Variants in ACAD10 observed in about 807,000 individuals in gnomAD.
ACAD10 encodes the protein acyl-CoA dehydrogenase family member 10, also known as ACAD-10.
A neutral mutation model predicts 116.8 loss-of-function variants in ACAD10; 112 were observed. The ratio of observed to expected loss-of-function variants is 0.96; its 90% CI spans 0.82 to 1.12. The LOEUF (loss-of-function observed/expected upper bound fraction) is 1.12. ACAD10 is among the 50% of genes most tolerant of loss of function. The probability of loss-of-function intolerance (pLI) is 0.00; values close to 1 mark genes in which losing one functional copy is unlikely to be tolerated. For synonymous variants in ACAD10, 486 were observed against 510.6 expected (o/e 0.95, Z 0.65); for missense variants, 1,259 against 1,350.2 (o/e 0.93, Z 1.06).
At chr12:111,699,180 C>A (rs1471144570) in intron 2 of ACAD10, among the ~76,000 whole-genome samples, 4 of 152,148 alleles carry the variant, frequency 2.6e-5, no homozygotes, top group Admixed American at 6.6e-5. Context: ...TCACCACGCC[C>A]AGCCTTCTAT....
At chr12:111,723,780 A>G (rs2135968585) in intron 8 of ACAD10, among the ~76,000 whole-genome samples, 1 of 145,830 alleles carries the variant, frequency 6.9e-6, no homozygotes, top group African/African-American at 2.6e-5. Context: ...GAGGCTCCTC[A>G]CTTCTCAGAT....
intron 6 of ACAD10, 107 bp downstream of exon 6, chr12:111,712,764 A>C: frequency 7.7e-7 from 1 of 1,305,044 alleles, no homozygotes; most frequent in Non-Finnish European, 1.1e-6. Context: ...AAGAAGCTTT[A>C]CAGTGAGGAA....
chr12:111,747,091 C>T lies in ACAD10; in HGVS notation c.2299C>T (p.Leu767=). The change falls in exon 15 of 21, where the codon CTG becomes TTG. Residue 767 remains leucine, a synonymous_variant. Coordinates refer to ENST00000313698, the MANE Select transcript of ACAD10 (RefSeq NM_025247.6). ...SAPDTGNMEL[L]VRYGTEAQKA... ...GCCTGACACGGGCAACATGGAGCTG[C>T]TGGTGAGGTATGGCACCGAAGCGCA... is the stretch of plus-strand genomic sequence containing the variant. 6.2e-7 allele frequency: 1 copy of T among 1,612,664 alleles called. No individual in the cohort carries two copies. Among genetic ancestry groups the T allele is most frequent in the Non-Finnish European group, 8.5e-7 (1 of 1,179,046 alleles).
intron 7 of ACAD10, among the ~76,000 whole-genome samples, chr12:111,716,690 A>G (rs1888855298): frequency 6.6e-6 from 1 of 151,924 alleles, no homozygotes. Flanking sequence ...ACCTGTCTCT[A>G]CCAAAAATAC....
intron 1 of ACAD10, among the ~76,000 whole-genome samples, chr12:111,688,549 C>T (rs2135939027): frequency 6.6e-6 from 1 of 152,264 alleles, no homozygotes; most frequent in South Asian, 2.1e-4. Context: ...CGCCTGCAAT[C>T]CCAGCACTTT....
At chr12:111,756,247 G>A in intron 20 of ACAD10, 86 bp from the exon 21 acceptor site, 1 of 1,481,918 alleles carries the variant, frequency 6.7e-7, no homozygotes, top group Non-Finnish European at 8.9e-7. Context: ...GGTTGTTATG[G>A]GCCATCAAGA....
At chr12:111,744,452 A>C in intron 12 of ACAD10, 191 bp from the exon 13 acceptor site, 2 of 667,906 alleles carry the variant, frequency 3.0e-6, no homozygotes, top group Non-Finnish European at 4.9e-6. Flanking sequence ...TCTTGCGTGC[A>C]AAGTGCAGGT....
chr12:111,730,415 A>G (rs1353475160), intron 10 of ACAD10, among the ~76,000 whole-genome samples: 1 of 151,926 alleles, frequency 6.6e-6, no homozygotes, highest in Non-Finnish European at 1.5e-5. Flanking sequence ...AGGCCTGGGG[A>G]TGGACATTCT....
intron 14 of ACAD10, 29 bp downstream of exon 14, chr12:111,746,313 G>A (rs1225813149): frequency 1.2e-6 from 2 of 1,601,764 alleles, no homozygotes; most frequent in South Asian, 2.2e-5. Context: ...TCCTCAGTGT[G>A]TGGGAACATC....
At chr12:111,689,251 T>C (rs931511004) in intron 1 of ACAD10, among the ~76,000 whole-genome samples, 2 of 151,830 alleles carry the variant, frequency 1.3e-5, no homozygotes, top group Non-Finnish European at 2.9e-5. Flanking sequence ...TATAAATATA[T>C]ATACATGCAT....
rs780178353 is a variant in ACAD10 at position 111,746,133 on chromosome 12, C to T, written c.2116-11C>T. 42 of 1,604,108 alleles carry T rather than the reference C, an allele frequency of 2.6e-5. No homozygotes were observed. The highest frequency in any genetic ancestry group is 3.2e-5 in the Non-Finnish European group (38 of 1,177,736). On this transcript the variant is annotated splice_polypyrimidine_tract_variant and intron_variant, in intron 13 of 20. Transcript: ENST00000313698. ...CCACTGTGGTTTCCTGACTTATTTT[C>T]CCCATGATAGGAGAAAGCCAAAGCT...
intron 2 of ACAD10, among the ~76,000 whole-genome samples, chr12:111,693,538 A>G (rs1888114000): frequency 6.6e-6 from 1 of 152,094 alleles, no homozygotes; most frequent in Non-Finnish European, 1.5e-5. Context: ...ACCCTTACTC[A>G]AAAACAAACA....
chr12:111,747,576 G>A, intron 16 of ACAD10, 191 bp downstream of exon 16: 1 of 1,417,826 alleles, frequency 7.1e-7, no homozygotes, highest in Non-Finnish European at 9.2e-7. Flanking sequence ...TCTCAGAGGT[G>A]GCACTTCACA....
intron 2 of ACAD10, among the ~76,000 whole-genome samples, chr12:111,700,018 A>G (rs986426030): frequency 6.6e-6 from 1 of 152,228 alleles, no homozygotes; most frequent in African/African-American, 2.4e-5. Flanking sequence ...ATAATAGACA[A>G]TAGTAAACAA....
intron 16 of ACAD10, 136 bp from the exon 17 acceptor site, chr12:111,748,181 C>T (rs1305980889): frequency 1.8e-6 from 2 of 1,099,052 alleles, no homozygotes; most frequent in African/African-American, 3.1e-5. Flanking sequence ...TCTGCAGATG[C>T]TCATCTGATT....
chr12:111,692,701 A>G lies in ACAD10; in HGVS notation c.-9A>G. ...CTGTGCCTTCTTCCCACACAGCCTC[A>G]GCCTCACCATGTGTGTCAGGAGCTG... is the stretch of plus-strand genomic sequence containing the variant. On this transcript the variant is annotated 5_prime_UTR_variant, in exon 2 of 21. Transcript: ENST00000313698. The G allele has an allele frequency of 1.2e-6, 2 of 1,612,448 alleles. No homozygotes were observed. Among genetic ancestry groups the G allele is most frequent in the Middle Eastern group, 1.8e-4 (1 of 5,546 alleles).
chr12:111,697,761 A>G (rs1888232269), intron 2 of ACAD10, among the ~76,000 whole-genome samples: 1 of 150,856 alleles, frequency 6.6e-6, no homozygotes, highest in Non-Finnish European at 1.5e-5. Flanking sequence ...AATTTTTTGT[A>G]TTTTTATTAG....
At position 111,756,396 on chromosome 12, in the gene ACAD10, G is replaced by A. The variant is rs1357151108; in HGVS notation, c.3103G>A (p.Ala1035Thr). 15 of 1,612,294 alleles carry A rather than the reference G, an allele frequency of 9.3e-6. No individual in the cohort carries two copies. In the South Asian group the frequency reaches 1.2e-4, roughly 13 times the overall value. ...PLAQFFTWAR[A>T]LRFADGPDEV... ...GGCTCAGTTCTTCACCTGGGCCCGAGCCCTGCGCTTTGCCGACGGCCCTGA... is the reference window on the plus strand; with the variant it reads ...GGCTCAGTTCTTCACCTGGGCCCGAACCCTGCGCTTTGCCGACGGCCCTGA... Residue 1035 changes from alanine to threonine, a missense_variant, in exon 21 of 21, where the codon GCC becomes ACC. Ala to Thr is a moderately conservative substitution (Grantham distance 58). Transcript: ENST00000313698.
intron 10 of ACAD10, among the ~76,000 whole-genome samples, chr12:111,733,001 A>G (rs1214879664): frequency 6.6e-6 from 1 of 152,198 alleles, no homozygotes; most frequent in Non-Finnish European, 1.5e-5. Context: ...TGGGCAGAGA[A>G]GATATTAACA....
Sources: gnomAD v4.1 joint callset for allele counts (sites outside exome capture counted in the v4.1 genomes callset) on GRCh38, gnomAD v4.1.1 for gene constraint, MANE v1.5 for transcripts, NCBI Gene and HGNC (gene_info 2026-07-23, HGNC 2026-07-21) for gene names.